ZFHX3: variants seen among roughly 807,000 people sequenced by gnomAD.
ZFHX3 encodes the protein zinc finger homeobox 3.
In ZFHX3, 42 loss-of-function variants were observed where a neutral mutation model predicts 279.1. That is an observed-to-expected ratio of 0.15 (90% confidence interval 0.12 to 0.19). The LOEUF (loss-of-function observed/expected upper bound fraction) is 0.19, where lower values mean the gene tolerates loss of function less well. Among genes scored for constraint, ZFHX3 ranks in the 10% least tolerant of loss-of-function variants. ZFHX3 has a pLI of 1.00. For missense variants in ZFHX3, 4,981 were observed against 4,754.0 expected (o/e 1.05, Z -1.40); for synonymous variants, 2,293 against 1,957.8 (o/e 1.17, Z -4.52).
intron 5 of ZFHX3, among the ~76,000 whole-genome samples, chr16:73,157,465 T>TTAAAAAAAAAAAAAA (rs1346539597): frequency 1.3e-5 from 1 of 76,516 alleles, no homozygotes; most frequent in Non-Finnish European, 2.3e-5. Flanking sequence ...GAATGTTTGG[T>TTAAAAAAAAAAAAAA]AAAAAAAAAA....
At chr16:73,484,010 C>A (rs150476206) in intron 2 of ZFHX3, among the ~76,000 whole-genome samples, 24 of 150,726 alleles carry the variant, frequency 1.6e-4, no homozygotes, top group African/African-American at 5.6e-4. Flanking sequence ...AGTCTGAAAT[C>A]CCCCACTAGA....
intron 2 of ZFHX3, among the ~76,000 whole-genome samples, chr16:73,646,154 T>C (rs1260490883): frequency 6.6e-6 from 1 of 152,204 alleles, no homozygotes; most frequent in Non-Finnish European, 1.5e-5. Context: ...CATTATAACA[T>C]TATTCATAAC....
At position 73,338,024 on chromosome 16, in the gene ZFHX3, A is replaced by G. The variant is rs999235328; in HGVS notation, c.-1290-19688T>C. 8.6e-5 allele frequency among the ~76,000 whole-genome samples: 13 copies of G among 151,930 alleles called. No individual in the cohort carries two copies. In the East Asian group the frequency reaches 2.3e-3, roughly 27 times the overall value. ...GTGCATACTCTCAGCCTCCTTGATC[A>G]TCAAAACCCTAAGTTGCTCAATCAA... On this transcript the variant is annotated intron_variant, in intron 3 of 17. Transcript: ENST00000641206.
intron 3 of ZFHX3, among the ~76,000 whole-genome samples, chr16:73,356,308 C>T (rs937462135): frequency 3.9e-5 from 6 of 152,124 alleles, no homozygotes; most frequent in African/African-American, 9.7e-5. Context: ...TTGTAACACC[C>T]TCATTTGTTC....
chr16:73,330,068 T>C (rs1391736002), intron 3 of ZFHX3, among the ~76,000 whole-genome samples: 3 of 152,116 alleles, frequency 2.0e-5, no homozygotes, highest in Admixed American at 1.3e-4. Context: ...ATGCAGACCT[T>C]TGACAAGCCC....
At chr16:73,397,832 G>A (rs372198381) in intron 3 of ZFHX3, among the ~76,000 whole-genome samples, 1 of 151,846 alleles carries the variant, frequency 6.6e-6, no homozygotes, top group Non-Finnish European at 1.5e-5. Context: ...ACATCAAGAG[G>A]CCTGTTTTGT....
At chr16:73,789,451 A>T (rs1460147591) in intron 1 of ZFHX3, among the ~76,000 whole-genome samples, 1 of 152,164 alleles carries the variant, frequency 6.6e-6, no homozygotes, top group Non-Finnish European at 1.5e-5. Context: ...AACTGCTGGG[A>T]TTACAGGCGT....
intron 1 of ZFHX3, among the ~76,000 whole-genome samples, chr16:73,802,990 G>C (rs1020504425): frequency 6.6e-6 from 1 of 151,974 alleles, no homozygotes; most frequent in Non-Finnish European, 1.5e-5. Flanking sequence ...GCTAATTTTT[G>C]CTTTTTAGTA....
chr16:73,714,273 C>T (rs1385168027), intron 1 of ZFHX3, among the ~76,000 whole-genome samples: 1 of 151,814 alleles, frequency 6.6e-6, no homozygotes, highest in Non-Finnish European at 1.5e-5. Context: ...TTTTTTTTTC[C>T]TGCAATTGTT....
At chr16:73,535,600 T>C (rs1341863093) in intron 2 of ZFHX3, among the ~76,000 whole-genome samples, 1 of 152,154 alleles carries the variant, frequency 6.6e-6, no homozygotes. Context: ...AGAATAATGA[T>C]CTGCAAAGAG....
intron 1 of ZFHX3, among the ~76,000 whole-genome samples, chr16:73,804,268 G>A (rs328389): frequency 0.16 from 23,595 of 152,158 alleles, 5,362 homozygotes; most frequent in African/African-American, 0.5. Flanking sequence ...ATATTATTTC[G>A]CTTGCTACAA....
intron 3 of ZFHX3, chr16:73,386,680 G>A (rs1344244571): frequency 6.6e-6 from 1 of 151,648 alleles, no homozygotes; most frequent in East Asian, 1.9e-4. Flanking sequence ...TTAAAGAAGG[G>A]GTTCAAGAGC....
At chr16:73,396,856 T>C (rs929100260) in intron 3 of ZFHX3, among the ~76,000 whole-genome samples, 1 of 152,188 alleles carries the variant, frequency 6.6e-6, no homozygotes, top group South Asian at 2.1e-4. Context: ...AGTACACAGA[T>C]GGCCTACATT....
At chr16:73,667,034 CAGGCTAG>C (rs2052849546) in intron 2 of ZFHX3, among the ~76,000 whole-genome samples, 1 of 151,900 alleles carries the variant, frequency 6.6e-6, no homozygotes, top group Non-Finnish European at 1.5e-5. Flanking sequence ...CTCCGTCACC[CAGGCTAG>C]AGTGCAGTGG....
intron 1 of ZFHX3, among the ~76,000 whole-genome samples, chr16:72,999,051 C>T (rs1187126630): frequency 6.6e-6 from 1 of 152,204 alleles, no homozygotes; most frequent in African/African-American, 2.4e-5. Context: ...CCATTTTGAC[C>T]TAATCTGAGA....
intron 2 of ZFHX3, among the ~76,000 whole-genome samples, chr16:73,494,128 AAGT>A (rs780146299): frequency 2.0e-5 from 3 of 152,142 alleles, no homozygotes; most frequent in Non-Finnish European, 2.9e-5. Context: ...GCACGACTGC[AAGT>A]GTACTTAAAC....
chr16:73,267,437 G>C (rs28422070), intron 4 of ZFHX3, among the ~76,000 whole-genome samples: 2,891 of 152,236 alleles, frequency 0.019, 65 homozygotes, highest in African/African-American at 0.053. Context: ...TTGGGCATAT[G>C]GAGTCGTCCC....
chr16:73,038,512 G>A (rs368228672), intron 1 of ZFHX3, among the ~76,000 whole-genome samples: 7 of 152,216 alleles, frequency 4.6e-5, no homozygotes, highest in African/African-American at 1.7e-4. Flanking sequence ...AACTGCACGC[G>A]GCTTCTGAGC....
chr16:73,608,313 G>C (rs1439474876), intron 2 of ZFHX3, among the ~76,000 whole-genome samples: 4 of 152,170 alleles, frequency 2.6e-5, no homozygotes, highest in African/African-American at 9.7e-5. Context: ...AGTGCTCAGA[G>C]CGTCCCACCA....
Sources: gnomAD v4.1 joint callset for allele counts (sites outside exome capture counted in the v4.1 genomes callset) on GRCh38, gnomAD v4.1.1 for gene constraint, MANE v1.5 for transcripts, NCBI Gene and HGNC (gene_info 2026-07-23, HGNC 2026-07-21) for gene names.